The following PDLIM5 variants were observed in gnomAD, a reference collection of about 807,000 sequenced individuals.
PDLIM5 encodes PDZ and LIM domain protein 5.
PDLIM5 carries 34 observed loss-of-function variants against 64.2 expected under a neutral mutation model. That is an observed-to-expected ratio of 0.53 (90% CI 0.40 to 0.71). PDLIM5 has a LOEUF of 0.71. Among genes scored for constraint, PDLIM5 ranks in the 30% least tolerant of loss-of-function variants. PDLIM5 has a pLI of 0.00. For synonymous variants in PDLIM5, 253 were observed against 269.1 expected (o/e 0.94, Z 0.59); for missense variants, 683 against 733.6 (o/e 0.93, Z 0.80).
intron 7 of PDLIM5, among the ~76,000 whole-genome samples, chr4:94,601,176 G>A (rs544629146): frequency 5.3e-5 from 8 of 152,298 alleles, no homozygotes; most frequent in Non-Finnish European, 8.8e-5. Flanking sequence ...TCTGGAGGCT[G>A]GGAAGTCAAG....
chr4:94,545,670 C>G (rs1161790737), intron 3 of PDLIM5, among the ~76,000 whole-genome samples: 1 of 152,136 alleles, frequency 6.6e-6, no homozygotes, highest in East Asian at 1.9e-4. Context: ...GCACGATCAT[C>G]TTTCATTTTT....
chr4:94,548,157 G>A (rs2510773), intron 3 of PDLIM5, among the ~76,000 whole-genome samples: 40,150 of 151,888 alleles, frequency 0.26, 5,717 homozygotes, highest in East Asian at 0.42. Context: ...GTGTGCTCGA[G>A]CACTTTTGTT....
chr4:94,582,523 T>G, intron 5 of PDLIM5: 1 of 505,990 alleles, frequency 2.0e-6, no homozygotes, highest in Non-Finnish European at 3.5e-6. Context: ...TTTTTTGGTC[T>G]GTGTTTACAT....
At chr4:94,456,658 C>A in intron 2 of PDLIM5, 1 of 1,028,272 alleles carries the variant, frequency 9.7e-7, no homozygotes, top group Non-Finnish European at 1.4e-6. Context: ...GTATTTGTGG[C>A]ATTTCCATAT....
At chr4:94,593,072 A>T (rs1448582877) in intron 7 of PDLIM5, among the ~76,000 whole-genome samples, 1 of 152,088 alleles carries the variant, frequency 6.6e-6, no homozygotes, top group Non-Finnish European at 1.5e-5. Context: ...TGTCTTATGG[A>T]TATTGGTCTA....
At chr4:94,491,035 A>C (rs73833921) in intron 2 of PDLIM5, among the ~76,000 whole-genome samples, 1 of 152,190 alleles carries the variant, frequency 6.6e-6, no homozygotes, top group Admixed American at 6.5e-5. Flanking sequence ...CAACATATCT[A>C]TTCCCACTGG....
At chr4:94,475,371 A>G (rs1453248312) in intron 2 of PDLIM5, among the ~76,000 whole-genome samples, 2 of 152,212 alleles carry the variant, frequency 1.3e-5, no homozygotes, top group Non-Finnish European at 2.9e-5. Flanking sequence ...TTCAACAAAA[A>G]TTGGCAGTTG....
intron 3 of PDLIM5, among the ~76,000 whole-genome samples, chr4:94,572,504 A>T (rs945352088): frequency 2.6e-5 from 4 of 152,340 alleles, no homozygotes; most frequent in African/African-American, 7.2e-5. Flanking sequence ...AGATTATATG[A>T]GATAATTGCT....
chr4:94,481,243 G>T (rs1725818468), intron 2 of PDLIM5, among the ~76,000 whole-genome samples: 1 of 149,764 alleles, frequency 6.7e-6, no homozygotes, highest in South Asian at 2.1e-4. Context: ...ATTAATTTTT[G>T]TGTGGGGTTG....
rs543185185 is a variant in PDLIM5 at position 94,667,894 on chromosome 4, G to A, written c.*3827G>A. ...AATCTAGTATTCTGTTAACATTTGTGTGGCATTTGGAGTTTGTCATCCCCA... is the reference window on the plus strand; with the variant it reads ...AATCTAGTATTCTGTTAACATTTGTATGGCATTTGGAGTTTGTCATCCCCA... On this transcript the variant is annotated 3_prime_UTR_variant, in exon 13 of 13. Transcript: ENST00000317968. 3 of 152,182 alleles carry A rather than the reference G, an allele frequency of 2.0e-5. No homozygotes were observed. The highest frequency in any genetic ancestry group is 6.8e-3 in the Middle Eastern group (2 of 294). 9.4% of individuals were successfully genotyped at this position (152,182 alleles called of 1,614,324 possible).
At chr4:94,486,263 T>A (rs1726328185) in intron 2 of PDLIM5, among the ~76,000 whole-genome samples, 1 of 152,162 alleles carries the variant, frequency 6.6e-6, no homozygotes, top group Admixed American at 6.6e-5. Context: ...CCTTTAGCTT[T>A]TGGTAAGTTA....
At chr4:94,475,994 C>T (rs972503856) in intron 2 of PDLIM5, among the ~76,000 whole-genome samples, 2 of 152,150 alleles carry the variant, frequency 1.3e-5, no homozygotes, top group African/African-American at 4.8e-5. Flanking sequence ...CACACAATCA[C>T]TGTAAATATT....
chr4:94,456,292 G>A (rs371111955), intron 2 of PDLIM5: 34 of 514,120 alleles, frequency 6.6e-5, no homozygotes, highest in African/African-American at 9.9e-5. Context: ...TCCATCTCCC[G>A]AGTTCAAGCG....
rs371181316 is a variant in PDLIM5 at position 94,618,087 on chromosome 4, C to T, written c.1004C>T (p.Ser335Phe). 1.4e-5 allele frequency: 22 copies of T among 1,612,320 alleles called. No homozygotes were observed. Among genetic ancestry groups the T allele is most frequent in the Non-Finnish European group, 1.7e-5 (20 of 1,179,220 alleles). Residue 335 changes from serine (S) to phenylalanine (F), a missense_variant, in exon 8 of 13, where the codon TCT (serine) becomes TTT (phenylalanine). Physicochemically the swap from Ser to Phe is radical, Grantham distance 155. Transcript: ENST00000317968. ...SMPESLDSPT[S>F]GRPGVTSLTA... ...CCCGAGAGCCTGGACAGCCCAACCT[C>T]TGGCAGACCAGGGGTTACCAGCCTC...
At chr4:94,511,601 ACAC>A in intron 2 of PDLIM5, among the ~76,000 whole-genome samples, 2 of 7,570 alleles carry the variant, frequency 2.6e-4, no homozygotes, top group Non-Finnish European at 6.0e-4. Flanking sequence ...CCCCCCCAAC[ACAC>A]ACACACACAC....
chr4:94,529,243 A>T (rs1413302506), intron 3 of PDLIM5, among the ~76,000 whole-genome samples: 2 of 152,188 alleles, frequency 1.3e-5, no homozygotes, highest in Admixed American at 6.5e-5. Context: ...GGAGCAGACC[A>T]GGTCTCCCCC....
In PDLIM5 at chr4:94,654,371, G is replaced by C. The variant is rs116362271; in HGVS notation, c.1284-89G>C. The C allele has an allele frequency of 4.8e-3, 3,834 of 805,762 alleles. 18 individuals carry two copies. Among genetic ancestry groups the C allele is most frequent in the Non-Finnish European group, 6.0e-3 (2,873 of 475,402 alleles). 49.9% of individuals were successfully genotyped at this position (805,762 alleles called of 1,614,324 possible). A position where few individuals can be genotyped will look rare whatever the true frequency, so the allele number is the denominator to read the frequency against. On this transcript the variant is annotated intron_variant, in intron 9 of 12. Coordinates refer to ENST00000317968, the MANE Select transcript of PDLIM5 (RefSeq NM_006457.5). ...AGGAAAATTGAGCAAGTATTTAATT[G>C]GTTGGACATTGCATAAAAGAGGTCC... is the stretch of plus-strand genomic sequence containing the variant.
chr4:94,555,056 C>T (rs1733157719), intron 3 of PDLIM5, among the ~76,000 whole-genome samples: 1 of 151,934 alleles, frequency 6.6e-6, no homozygotes, highest in African/African-American at 2.4e-5. Context: ...GTGTTAAATG[C>T]ATTTTTCTTT....
intron 2 of PDLIM5, among the ~76,000 whole-genome samples, chr4:94,480,054 T>C (rs1725716171): frequency 6.6e-6 from 1 of 152,258 alleles, no homozygotes. Context: ...AATCAGCAGC[T>C]GTCTTTTTTT....
Sources: gnomAD v4.1 joint callset for allele counts (sites outside exome capture counted in the v4.1 genomes callset) on GRCh38, gnomAD v4.1.1 for gene constraint, MANE v1.5 for transcripts, NCBI Gene and HGNC (gene_info 2026-07-23, HGNC 2026-07-21) for gene names.